The following EPHA6 variants were observed in gnomAD, a reference collection of about 807,000 sequenced individuals.
EPHA6 encodes EPH receptor A6, also known as ephrin type-A receptor 6.
EPHA6 carries 50 observed loss-of-function variants against 112.0 expected under a neutral mutation model. The observed-to-expected ratio is 0.45, with a 90% CI of 0.36 to 0.56. The LOEUF is 0.56. Among genes scored for constraint, EPHA6 ranks in the 20% least tolerant of loss-of-function variants. The pLI is 0.00. For synonymous variants in EPHA6, 529 were observed against 490.7 expected (o/e 1.08, Z -1.03); for missense variants, 1,280 against 1,417.4 (o/e 0.90, Z 1.56).
intron 11 of EPHA6, among the ~76,000 whole-genome samples, chr3:97,582,506 C>CA (rs1188647989): frequency 1.3e-5 from 2 of 152,024 alleles, no homozygotes; most frequent in Non-Finnish European, 2.9e-5. Context: ...TTACCTCATG[C>CA]AAAAAATAGC....
intron 13 of EPHA6, among the ~76,000 whole-genome samples, chr3:97,611,205 G>T (rs1178773601): frequency 6.6e-6 from 1 of 151,712 alleles, no homozygotes; most frequent in Non-Finnish European, 1.5e-5. Flanking sequence ...TAACTATGTA[G>T]TATGATATTG....
rs1213244600 is a variant in EPHA6 at position 97,622,911 on chromosome 3, GTATC to G, written c.2574+12061_2574+12064del. ...CCATTTGTATATCTACTTTATAAAA[GTATC>G]TATTCAAGTCCATTTTCCATTTTTG... On this transcript the variant is annotated intron_variant, in intron 13 of 17. Coordinates refer to ENST00000389672, the MANE Select transcript of EPHA6 (RefSeq NM_001080448.3). Among the ~76,000 whole-genome samples, 6 of 151,426 alleles carry G rather than the reference GTATC, an allele frequency of 4.0e-5. No individual in the cohort carries two copies. In the East Asian group the frequency reaches 7.8e-4, roughly 20 times the overall value.
intron 2 of EPHA6, among the ~76,000 whole-genome samples, chr3:96,872,336 T>G (rs866817077): frequency 4.2e-4 from 64 of 152,068 alleles, no homozygotes; most frequent in African/African-American, 1.4e-3. Context: ...TTGTGGCTCC[T>G]GTGACAAGCA....
chr3:97,701,738 G>A (rs576246465), intron 14 of EPHA6, among the ~76,000 whole-genome samples: 2 of 151,612 alleles, frequency 1.3e-5, no homozygotes, highest in South Asian at 2.1e-4. Flanking sequence ...CTTGACTATT[G>A]TATAGTATAA....
intron 1 of EPHA6, among the ~76,000 whole-genome samples, chr3:96,815,634 G>A (rs2032717324): frequency 6.6e-6 from 1 of 152,120 alleles, no homozygotes; most frequent in African/African-American, 2.4e-5. Context: ...GAATTTCCAA[G>A]TTGTGAATAC....
intron 10 of EPHA6, among the ~76,000 whole-genome samples, chr3:97,509,555 G>A (rs906477700): frequency 6.6e-6 from 1 of 152,288 alleles, no homozygotes; most frequent in East Asian, 1.9e-4. Context: ...AGAGAGATCA[G>A]CTGTTAGTCT....
intron 3 of EPHA6, among the ~76,000 whole-genome samples, chr3:97,224,458 C>CAA (rs1244170436): frequency 2.6e-5 from 4 of 152,006 alleles, no homozygotes; most frequent in Non-Finnish European, 4.4e-5. Flanking sequence ...TTTTAGCTAC[C>CAA]AAAGAAAATA....
At chr3:96,988,196 A>T (rs1473563916) in intron 3 of EPHA6, among the ~76,000 whole-genome samples, 1 of 152,170 alleles carries the variant, frequency 6.6e-6, no homozygotes, top group East Asian at 1.9e-4. Context: ...CGATTTATTA[A>T]AAGTAAATAT....
intron 5 of EPHA6, among the ~76,000 whole-genome samples, chr3:97,273,551 A>T (rs1343216330): frequency 4.6e-5 from 7 of 152,158 alleles, no homozygotes; most frequent in Non-Finnish European, 8.8e-5. Flanking sequence ...ACGGGCCTGA[A>T]TTCTGAGAAG....
At chr3:97,109,227 C>A (rs1008799262) in intron 3 of EPHA6, among the ~76,000 whole-genome samples, 2 of 152,168 alleles carry the variant, frequency 1.3e-5, no homozygotes, top group African/African-American at 4.8e-5. Flanking sequence ...TCAGTGAGTT[C>A]TTTACCTAGA....
At chr3:96,873,778 C>T (rs1407407612) in intron 2 of EPHA6, among the ~76,000 whole-genome samples, 1 of 152,094 alleles carries the variant, frequency 6.6e-6, no homozygotes, top group Non-Finnish European at 1.5e-5. Flanking sequence ...AGATTTAATT[C>T]TGTATGTCTT....
intron 14 of EPHA6, among the ~76,000 whole-genome samples, chr3:97,707,699 C>T (rs1433089091): frequency 6.6e-6 from 1 of 152,158 alleles, no homozygotes; most frequent in Admixed American, 6.5e-5. Flanking sequence ...CACCCAAATC[C>T]ACCTCCAATT....
At chr3:97,553,315 G>A (rs1408155485) in intron 11 of EPHA6, among the ~76,000 whole-genome samples, 1 of 151,942 alleles carries the variant, frequency 6.6e-6, no homozygotes, top group East Asian at 1.9e-4. Flanking sequence ...TGATTGCCCT[G>A]ACCTTCCCTC....
intron 2 of EPHA6, among the ~76,000 whole-genome samples, chr3:96,913,212 A>ACACACACACG (rs2039316940): frequency 9.1e-6 from 1 of 109,924 alleles, no homozygotes; most frequent in African/African-American, 3.6e-5. Flanking sequence ...ACACACACAC[A>ACACACACACG]CCACACACAC....
intron 2 of EPHA6, among the ~76,000 whole-genome samples, chr3:96,978,064 G>A (rs778147628): frequency 1.1e-4 from 16 of 152,194 alleles, no homozygotes; most frequent in Non-Finnish European, 2.2e-4. Context: ...GGAAGCTGAG[G>A]TGGAAGGATT....
At chr3:97,149,625 T>C (rs2076122657) in intron 3 of EPHA6, among the ~76,000 whole-genome samples, 1 of 151,964 alleles carries the variant, frequency 6.6e-6, no homozygotes. Context: ...GTAATATTTC[T>C]AATTGAGAAA....
At chr3:97,634,420 A>G (rs753056420) in intron 13 of EPHA6, among the ~76,000 whole-genome samples, 1 of 152,062 alleles carries the variant, frequency 6.6e-6, no homozygotes, top group Non-Finnish European at 1.5e-5. Context: ...AGATAGACCA[A>G]TTGGATCGTG....
intron 6 of EPHA6, among the ~76,000 whole-genome samples, chr3:97,443,807 T>A (rs917971998): frequency 7.2e-5 from 11 of 152,178 alleles, no homozygotes; most frequent in Admixed American, 4.6e-4. Flanking sequence ...CATTACTATG[T>A]GGTCCATAAG....
At chr3:97,686,539 A>G (rs745447663) in intron 14 of EPHA6, among the ~76,000 whole-genome samples, 1 of 152,204 alleles carries the variant, frequency 6.6e-6, no homozygotes, top group Non-Finnish European at 1.5e-5. Flanking sequence ...TATATGCCTG[A>G]TTTTATAGTG....
Sources: allele counts gnomAD v4.1 joint callset (sites outside exome capture counted in the v4.1 genomes callset), GRCh38; gene constraint gnomAD v4.1.1; transcripts MANE v1.5; gene names NCBI Gene and HGNC (gene_info 2026-07-23, HGNC 2026-07-21).